VSTM2B: variants seen among roughly 807,000 people sequenced by gnomAD.
VSTM2B encodes V-set and transmembrane domain containing 2B, also known as V-set and transmembrane domain-containing protein 2B.
Under a neutral mutation model 24.0 loss-of-function variants are expected in VSTM2B, and 24 were observed. The observed-to-expected ratio is 1.00, with a 90% CI of 0.72 to 1.40. The LOEUF is 1.40. Among genes scored for constraint, VSTM2B ranks in the 40% most tolerant of loss-of-function variants. The probability of loss-of-function intolerance (pLI) is 0.00; values close to 1 mark genes in which losing one functional copy is unlikely to be tolerated. For missense variants in VSTM2B, 399 were observed against 416.4 expected (o/e 0.96, Z 0.36); for synonymous variants, 226 against 194.4 (o/e 1.16, Z -1.35).
At chr19:29,558,922 A>T (rs907716166) in intron 4 of VSTM2B, among the ~76,000 whole-genome samples, 6 of 152,256 alleles carry the variant, frequency 3.9e-5, no homozygotes, top group Non-Finnish European at 7.3e-5. Flanking sequence ...ATACCATCTC[A>T]TGCCAGTTAG....
At chr19:29,561,478 A>G (rs929839579) in intron 4 of VSTM2B, among the ~76,000 whole-genome samples, 1 of 152,022 alleles carries the variant, frequency 6.6e-6, no homozygotes, top group African/African-American at 2.4e-5. Flanking sequence ...ACAAAAAATT[A>G]GCTGGGCTTG....
At chr19:29,550,986 A>G (rs1269592903) in intron 4 of VSTM2B, among the ~76,000 whole-genome samples, 2 of 152,210 alleles carry the variant, frequency 1.3e-5, no homozygotes, top group East Asian at 3.8e-4. Context: ...CGGCCAGAAA[A>G]CAAGGGCCAC....
At chr19:29,532,446 G>A (rs1969780973) in intron 4 of VSTM2B, among the ~76,000 whole-genome samples, 1 of 152,206 alleles carries the variant, frequency 6.6e-6, no homozygotes, top group African/African-American at 2.4e-5. Flanking sequence ...CAGAGCCATT[G>A]GCTTAACTGA....
intron 4 of VSTM2B, among the ~76,000 whole-genome samples, chr19:29,531,882 C>T (rs866064541): frequency 1.3e-5 from 2 of 152,260 alleles, no homozygotes; most frequent in South Asian, 4.1e-4. Context: ...CGGCTCTGTT[C>T]CATGCAGTCA....
intron 4 of VSTM2B, among the ~76,000 whole-genome samples, chr19:29,533,751 A>G (rs1319227069): frequency 1.3e-5 from 2 of 152,166 alleles, no homozygotes; most frequent in East Asian, 3.9e-4. Context: ...GTTTTGGAGG[A>G]TGGGCATTAG....
At chr19:29,538,582 C>T (rs893496255) in intron 4 of VSTM2B, among the ~76,000 whole-genome samples, 2 of 152,124 alleles carry the variant, frequency 1.3e-5, no homozygotes, top group African/African-American at 4.8e-5. Context: ...ATACCTGAGT[C>T]TGGTCATTTA....
chr19:29,559,723 C>T lies in VSTM2B; in HGVS notation c.770-4123C>T, dbSNP rs552394623. On this transcript the variant is annotated intron_variant, in intron 4 of 4. Transcript: ENST00000335523. ...TCCGCAACCTGAGAAAGATTATTCT[C>T]CAGCCCTTTTAAAGAAGAAGCTATG... 3.9e-5 allele frequency among the ~76,000 whole-genome samples: 6 copies of T among 152,252 alleles called. No homozygotes were observed. The South Asian group carries it at 1.2e-3, about 32-fold the overall frequency.
intron 4 of VSTM2B, among the ~76,000 whole-genome samples, chr19:29,541,071 C>A (rs1233281208): frequency 6.6e-6 from 1 of 152,160 alleles, no homozygotes; most frequent in Non-Finnish European, 1.5e-5. Flanking sequence ...GTGGTGGGTG[C>A]AGAGAAAGCA....
chr19:29,541,534 G>C (rs1970017139), intron 4 of VSTM2B, among the ~76,000 whole-genome samples: 1 of 152,062 alleles, frequency 6.6e-6, no homozygotes, highest in South Asian at 2.1e-4. Context: ...ATGAATTGGA[G>C]AATTAATAGA....
intron 3 of VSTM2B, chr19:29,529,111 G>A: frequency 2.0e-6 from 2 of 985,344 alleles, no homozygotes; most frequent in African/African-American, 1.7e-5. Flanking sequence ...GGGCTCCCTG[G>A]GTGTTTGTTG....
At chr19:29,557,683 G>A (rs1970442087) in intron 4 of VSTM2B, among the ~76,000 whole-genome samples, 1 of 144,806 alleles carries the variant, frequency 6.9e-6, no homozygotes, top group Non-Finnish European at 1.5e-5. Context: ...TGGGCAACAA[G>A]AGCAAAACTC....
chr19:29,547,591 G>A (rs1970183028), intron 4 of VSTM2B, among the ~76,000 whole-genome samples: 1 of 152,170 alleles, frequency 6.6e-6, no homozygotes, highest in African/African-American at 2.4e-5. Context: ...AGAGAGGGAG[G>A]CCCTAGGCCA....
intron 4 of VSTM2B, among the ~76,000 whole-genome samples, chr19:29,539,653 A>G (rs1329461752): frequency 6.6e-6 from 1 of 152,084 alleles, no homozygotes; most frequent in African/African-American, 2.4e-5. Flanking sequence ...GCGTTCCTGC[A>G]TTTTGCTTTT....
chr19:29,561,527 A>G (rs1302379385), intron 4 of VSTM2B, among the ~76,000 whole-genome samples: 1 of 152,164 alleles, frequency 6.6e-6, no homozygotes, highest in East Asian at 1.9e-4. Context: ...TGGGAGGCTG[A>G]GGCAGGAGAA....
At chr19:29,534,068 G>T (rs369877718) in intron 4 of VSTM2B, among the ~76,000 whole-genome samples, 2 of 152,214 alleles carry the variant, frequency 1.3e-5, no homozygotes, top group Non-Finnish European at 2.9e-5. Flanking sequence ...AGGGTCACTG[G>T]GGGGGATGGA....
At chr19:29,552,561 A>G (rs183857148) in intron 4 of VSTM2B, among the ~76,000 whole-genome samples, 1 of 152,204 alleles carries the variant, frequency 6.6e-6, no homozygotes, top group Admixed American at 6.5e-5. Flanking sequence ...AGATCTGTGA[A>G]ACCTGTGGGT....
chr19:29,563,820 C>A (rs1295286036), intron 4 of VSTM2B, 26 bp from the exon 5 acceptor site: 1 of 1,547,344 alleles, frequency 6.5e-7, no homozygotes, highest in East Asian at 2.4e-5. Context: ...AGGTGTTAAC[C>A]TTGCCTGTTT....
intron 4 of VSTM2B, among the ~76,000 whole-genome samples, chr19:29,534,587 G>A (rs1599880640): frequency 1.3e-5 from 2 of 152,044 alleles, no homozygotes; most frequent in African/African-American, 4.8e-5. Context: ...GTGGTGGCAG[G>A]CACCTGTAAT....
chr19:29,528,593 T>G (rs931490093), intron 3 of VSTM2B, 131 bp downstream of exon 3: 2 of 1,162,628 alleles, frequency 1.7e-6, no homozygotes, highest in Non-Finnish European at 2.5e-6. Context: ...ATCGCAGCCT[T>G]GCATCGGTGG....
Sources: gnomAD v4.1 joint callset for allele counts (sites outside exome capture counted in the v4.1 genomes callset) on GRCh38, gnomAD v4.1.1 for gene constraint, MANE v1.5 for transcripts, NCBI Gene and HGNC (gene_info 2026-07-23, HGNC 2026-07-21) for gene names.